MITF: variants seen among roughly 807,000 people sequenced by gnomAD.
The protein encoded by MITF is microphthalmia-associated transcription factor.
In MITF, 17 loss-of-function variants were observed where a neutral mutation model predicts 60.5. That is an observed-to-expected ratio of 0.28 (90% CI 0.19 to 0.42). MITF has a LOEUF of 0.42. Ranked by LOEUF, MITF falls within the 10% of genes least tolerant of loss-of-function variation. The pLI is 1.00. For synonymous variants in MITF, 260 were observed against 248.5 expected, an observed-to-expected ratio of 1.05 and a Z score of -0.43; for missense variants, 622 against 683.5, an observed-to-expected ratio of 0.91 and a Z score of 1.00.
At chr3:69,746,493 A>T (rs772167007) in intron 1 of MITF, among the ~76,000 whole-genome samples, 1 of 152,182 alleles carries the variant, frequency 6.6e-6, no homozygotes, top group Non-Finnish European at 1.5e-5. Flanking sequence ...AAGGACAATA[A>T]GTGAGAGTTT....
At chr3:69,854,126 G>A (rs1260497564) in intron 1 of MITF, among the ~76,000 whole-genome samples, 2 of 152,094 alleles carry the variant, frequency 1.3e-5, no homozygotes, top group Non-Finnish European at 2.9e-5. Flanking sequence ...GGGATTACAG[G>A]CGTGAGCCAC....
intron 5 of MITF, among the ~76,000 whole-genome samples, chr3:69,948,035 A>T (rs921969836): frequency 4.6e-5 from 7 of 152,206 alleles, no homozygotes; most frequent in Non-Finnish European, 1.0e-4. Flanking sequence ...CTTTTCTCAG[A>T]TGTAGAATAC....
At chr3:69,827,245 T>C (rs1355417943) in intron 1 of MITF, among the ~76,000 whole-genome samples, 3 of 152,206 alleles carry the variant, frequency 2.0e-5, no homozygotes, top group Non-Finnish European at 4.4e-5. Context: ...CAACAGACAC[T>C]GTGGTGCAGG....
intron 8 of MITF, among the ~76,000 whole-genome samples, chr3:69,958,740 A>C (rs963412368): frequency 6.6e-6 from 1 of 152,112 alleles, no homozygotes; most frequent in Non-Finnish European, 1.5e-5. Flanking sequence ...TTTGTAATCA[A>C]CAGACCTAAC....
intron 2 of MITF, among the ~76,000 whole-genome samples, chr3:69,900,242 A>C (rs2107347617): frequency 6.6e-6 from 1 of 152,180 alleles, no homozygotes; most frequent in Non-Finnish European, 1.5e-5. Flanking sequence ...GCTCCCAGCT[A>C]ACACACACCT....
chr3:69,887,236 G>A (rs76521573), intron 2 of MITF, among the ~76,000 whole-genome samples: 3,796 of 152,124 alleles, frequency 0.025, 147 homozygotes, highest in African/African-American at 0.084. Flanking sequence ...TTAAAGAAAG[G>A]ACTTAGCTTT....
At chr3:69,795,512 G>C (rs13097431) in intron 1 of MITF, among the ~76,000 whole-genome samples, 52,450 of 151,986 alleles carry the variant, frequency 0.35, 9,914 homozygotes, top group Non-Finnish European at 0.42. Context: ...GATCTCCTGA[G>C]CCCAGGAGTT....
At chr3:69,786,136 G>A (rs1422470253) in intron 1 of MITF, among the ~76,000 whole-genome samples, 1 of 152,206 alleles carries the variant, frequency 6.6e-6, no homozygotes, top group Non-Finnish European at 1.5e-5. Flanking sequence ...ATTCTAAGGT[G>A]GAGTGAGCTT....
chr3:69,746,176 A>G (rs972724692), intron 1 of MITF, among the ~76,000 whole-genome samples: 6 of 152,152 alleles, frequency 3.9e-5, no homozygotes, highest in Admixed American at 6.5e-5. Context: ...CCTTTTCCCG[A>G]TTACTACTAT....
Position 69,965,688 on chromosome 3 carries a change from A to C in MITF, c.*440A>C, listed in dbSNP as rs1281453875. The C allele has an allele frequency of 4.0e-6, 1 of 249,838 alleles. No homozygotes were observed. Among genetic ancestry groups the C allele is most frequent in the Non-Finnish European group, 7.9e-6 (1 of 126,646 alleles). 15.5% of individuals were successfully genotyped at this position (249,838 alleles called of 1,614,324 possible). ...AAGAAAGAAAGAGGAAAAGAAATCC[A>C]TACTAACCCTTTTCCATTTTATAAA... On this transcript the variant is annotated 3_prime_UTR_variant, in exon 10 of 10. Coordinates refer to ENST00000352241, the MANE Select transcript of MITF (RefSeq NM_001354604.2).
In MITF at chr3:69,857,788, T is replaced by G. The variant is rs551883154; in HGVS notation, c.105-21346T>G. Among the ~76,000 whole-genome samples, 4 of 152,314 alleles carry G rather than the reference T, an allele frequency of 2.6e-5. No individual in the cohort carries two copies. The East Asian group carries it at 5.8e-4, about 22-fold the overall frequency. On this transcript the variant is annotated intron_variant, in intron 1 of 9. Coordinates refer to ENST00000352241, the MANE Select transcript of MITF (RefSeq NM_001354604.2). Reference sequence around the variant, plus strand: ...CATCTTAAGCCTATTGAACAGTGCCTGGGACATAGGAGGTGCTCAATAAAT... The same window carrying G: ...CATCTTAAGCCTATTGAACAGTGCCGGGGACATAGGAGGTGCTCAATAAAT...
At chr3:69,742,996 C>G (rs896151806) in intron 1 of MITF, among the ~76,000 whole-genome samples, 4 of 152,200 alleles carry the variant, frequency 2.6e-5, no homozygotes, top group African/African-American at 9.7e-5. Context: ...AGACTGCAAA[C>G]TCCAAGGGAA....
intron 1 of MITF, among the ~76,000 whole-genome samples, chr3:69,852,176 A>T (rs1302590660): frequency 6.6e-6 from 1 of 152,194 alleles, no homozygotes; most frequent in East Asian, 1.9e-4. Flanking sequence ...GTAGATTTTT[A>T]AAGTATTTTT....
chr3:69,791,668 A>G (rs1311188344), intron 1 of MITF, among the ~76,000 whole-genome samples: 1 of 152,098 alleles, frequency 6.6e-6, no homozygotes, highest in Non-Finnish European at 1.5e-5. Context: ...AAATCTTATT[A>G]TTCTGTTGTT....
chr3:69,962,741 G>A (rs2066581430), intron 9 of MITF, among the ~76,000 whole-genome samples: 2 of 152,112 alleles, frequency 1.3e-5, no homozygotes. Context: ...GATACACTCA[G>A]AAAGGAAAAA....
At chr3:69,870,498 G>T (rs2064213127) in intron 1 of MITF, among the ~76,000 whole-genome samples, 1 of 150,614 alleles carries the variant, frequency 6.6e-6, no homozygotes, top group East Asian at 1.9e-4. Context: ...GCAGTGGCGG[G>T]ATATCCGCTC....
At chr3:69,902,042 C>T (rs973381470) in intron 2 of MITF, among the ~76,000 whole-genome samples, 8 of 152,146 alleles carry the variant, frequency 5.3e-5, no homozygotes, top group Admixed American at 2.0e-4. Flanking sequence ...GAGCTGTGGC[C>T]ACACTCCAAC....
chr3:69,757,790 A>G (rs1411255908), intron 1 of MITF, among the ~76,000 whole-genome samples: 1 of 151,810 alleles, frequency 6.6e-6, no homozygotes, highest in Non-Finnish European at 1.5e-5. Context: ...CTTCGGGCAA[A>G]TTTTCATTGC....
chr3:69,802,159 C>T (rs2062931996), intron 1 of MITF, among the ~76,000 whole-genome samples: 1 of 152,140 alleles, frequency 6.6e-6, no homozygotes, highest in South Asian at 2.1e-4. Flanking sequence ...AGACATTGGG[C>T]AATGTCTGGA....
Sources: gnomAD v4.1 joint callset for allele counts (sites outside exome capture counted in the v4.1 genomes callset) on GRCh38, gnomAD v4.1.1 for gene constraint, MANE v1.5 for transcripts, NCBI Gene and HGNC (gene_info 2026-07-23, HGNC 2026-07-21) for gene names.